SEMA6D: variants seen among roughly 807,000 people sequenced by gnomAD.
SEMA6D encodes the protein semaphorin-6D.
In SEMA6D, 35 loss-of-function variants were observed where a neutral mutation model predicts 106.6. The observed-to-expected ratio is 0.33, with a 90% CI of 0.25 to 0.44. The LOEUF (loss-of-function observed/expected upper bound fraction) is 0.44. Ranked by LOEUF, SEMA6D falls within the 20% of genes least tolerant of loss-of-function variation. The pLI is 1.00. For missense variants in SEMA6D, 1,185 were observed against 1,345.9 expected (o/e 0.88, Z 1.87); for synonymous variants, 499 against 487.7 (o/e 1.02, Z -0.31).
rs1420905944 is a variant in SEMA6D, at chr15:47,765,017, G to A, written c.1388G>A (p.Ser463Asn). ...AKTSPFSLND[S>N]VLLEEIEAYN... ...ACCAGTCCTTTCTCTTTGAACGACA[G>A]CGTATTACTGGAAGAGATTGAAGCC... Residue 463 changes from serine to asparagine, a missense_variant, in exon 13 of 19, where the codon AGC becomes AAC. By Grantham distance (46) the Ser-to-Asn change is conservative (BLOSUM62 1). Transcript: ENST00000536845. 3.1e-6 allele frequency: 5 copies of A among 1,613,764 alleles called. No homozygotes were observed. Among genetic ancestry groups the A allele is most frequent in the African/African-American group, 2.7e-5 (2 of 74,902 alleles).
chr15:47,730,345 G>C, intron 1 of SEMA6D: 1 of 1,455,970 alleles, frequency 6.9e-7, no homozygotes, highest in African/African-American at 1.4e-5. Flanking sequence ...CCACAGTGGT[G>C]CAGGTCTTCC....
intron 1 of SEMA6D, chr15:47,730,066 T>C: frequency 4.4e-6 from 3 of 685,148 alleles, no homozygotes; most frequent in South Asian, 3.7e-5. Context: ...TATTTTAGTT[T>C]AGTTTAGTTT....
intron 1 of SEMA6D, among the ~76,000 whole-genome samples, chr15:47,299,915 A>C (rs2035952433): frequency 1.6e-5 from 1 of 64,248 alleles, no homozygotes; most frequent in African/African-American, 6.0e-5. Flanking sequence ...ATTATTAAAA[A>C]CATGTCCATT....
chr15:47,699,945 G>C (rs185261918), intron 4 of SEMA6D, among the ~76,000 whole-genome samples: 1 of 152,246 alleles, frequency 6.6e-6, no homozygotes, highest in Non-Finnish European at 1.5e-5. Context: ...CAGGATGCAA[G>C]GTTAATATGC....
In SEMA6D at chr15:47,557,289, T is replaced by C. The variant is rs373290240; in HGVS notation, c.-86-43576T>C. Among the ~76,000 whole-genome samples, 332 of 152,280 alleles carry C rather than the reference T, an allele frequency of 2.2e-3. 1 individual carries two copies. The highest frequency in any genetic ancestry group is 7.5e-3 in the African/African-American group (311 of 41,560). On this transcript the variant is annotated intron_variant, in intron 3 of 19. Transcript: ENST00000558014. The stretch of plus-strand genomic sequence containing the variant: ...TGCACTTTTGCAAAGTTCTCTCACC[T>C]GGTTAAAATGAAAACATAGACTTCA...
At chr15:47,477,253 C>G (rs1021938693) in intron 3 of SEMA6D, among the ~76,000 whole-genome samples, 2 of 152,034 alleles carry the variant, frequency 1.3e-5, no homozygotes, top group Non-Finnish European at 2.9e-5. Flanking sequence ...GTTATCAGTC[C>G]CGTCCTAATA....
chr15:47,243,877 A>G (rs1179352318), intron 1 of SEMA6D, among the ~76,000 whole-genome samples: 4 of 152,122 alleles, frequency 2.6e-5, no homozygotes, highest in Non-Finnish European at 5.9e-5. Context: ...AGCACCTACC[A>G]TGTTCTAGGC....
At chr15:47,194,982 A>G (rs1337379281) in intron 1 of SEMA6D, among the ~76,000 whole-genome samples, 1 of 152,224 alleles carries the variant, frequency 6.6e-6, no homozygotes, top group African/African-American at 2.4e-5. Flanking sequence ...ACTTACCAGA[A>G]TAGCATTACC....
At chr15:47,270,953 A>T (rs983698724) in intron 1 of SEMA6D, among the ~76,000 whole-genome samples, 36 of 152,290 alleles carry the variant, frequency 2.4e-4, no homozygotes, top group African/African-American at 7.2e-4. Flanking sequence ...TCAAAAAAAA[A>T]ATATAGATAT....
chr15:47,632,232 A>G (rs764574152), intron 4 of SEMA6D, among the ~76,000 whole-genome samples: 1 of 151,934 alleles, frequency 6.6e-6, no homozygotes, highest in Non-Finnish European at 1.5e-5. Context: ...GTTATGGTCT[A>G]TGTTGAAGAA....
chr15:47,453,522 T>G (rs1244942755), intron 2 of SEMA6D, among the ~76,000 whole-genome samples: 1 of 151,942 alleles, frequency 6.6e-6, no homozygotes, highest in Admixed American at 6.6e-5. Context: ...TACATCCCAC[T>G]GAGAAGAAAG....
chr15:47,481,045 G>A (rs577158631), intron 3 of SEMA6D, among the ~76,000 whole-genome samples: 11 of 152,088 alleles, frequency 7.2e-5, no homozygotes, highest in Admixed American at 7.2e-4. Flanking sequence ...TAGATTAAAA[G>A]CATCCCCCAA....
chr15:47,618,959 TC>T (rs929333466), intron 4 of SEMA6D, among the ~76,000 whole-genome samples: 1 of 152,228 alleles, frequency 6.6e-6, no homozygotes, highest in Non-Finnish European at 1.5e-5. Context: ...TGGGTCACTT[TC>T]CAGAGGGAGG....
chr15:47,494,534 A>T (rs1399094466), intron 3 of SEMA6D, among the ~76,000 whole-genome samples: 1 of 151,670 alleles, frequency 6.6e-6, no homozygotes, highest in African/African-American at 2.4e-5. Context: ...AGTTTTATGC[A>T]TCTTGAACAT....
At chr15:47,279,011 C>T (rs1278393561) in intron 1 of SEMA6D, among the ~76,000 whole-genome samples, 1 of 136,714 alleles carries the variant, frequency 7.3e-6, no homozygotes, top group East Asian at 2.1e-4. Context: ...GTTTTGGTTA[C>T]TGTAGCCTTG....
chr15:47,320,706 T>C (rs1233083913), intron 1 of SEMA6D, among the ~76,000 whole-genome samples: 1 of 152,198 alleles, frequency 6.6e-6, no homozygotes, highest in Non-Finnish European at 1.5e-5. Context: ...CTTTTGAAAA[T>C]AATTTCACTT....
At chr15:47,638,381 G>T (rs1218364525) in intron 4 of SEMA6D, among the ~76,000 whole-genome samples, 1 of 152,152 alleles carries the variant, frequency 6.6e-6, no homozygotes, top group Non-Finnish European at 1.5e-5. Flanking sequence ...GTAGCATTTT[G>T]TGTATGACTC....
chr15:47,600,865 GT>G (rs2076638907), exon 4 of SEMA6D: 1 of 151,934 alleles, frequency 6.6e-6, no homozygotes, highest in South Asian at 2.1e-4. Flanking sequence ...CTTTTTTCAG[GT>G]TTTTGACCAG....
chr15:47,268,826 G>A (rs1198896536), intron 1 of SEMA6D, among the ~76,000 whole-genome samples: 5 of 152,100 alleles, frequency 3.3e-5, no homozygotes, highest in Non-Finnish European at 5.9e-5. Flanking sequence ...TGAATTTTCC[G>A]CTTTGAGTAA....
Sources: gnomAD v4.1 joint callset for allele counts (sites outside exome capture counted in the v4.1 genomes callset) on GRCh38, gnomAD v4.1.1 for gene constraint, MANE v1.5 for transcripts, NCBI Gene and HGNC (gene_info 2026-07-23, HGNC 2026-07-21) for gene names.